The following CTC1 variants were observed in gnomAD, a reference collection of about 807,000 sequenced individuals.
The protein encoded by CTC1 is CST complex subunit CTC1.
In CTC1, 91 loss-of-function variants were observed where a neutral mutation model predicts 136.3. The ratio of observed to expected loss-of-function variants is 0.67; its 90% CI spans 0.56 to 0.79. CTC1 has a LOEUF of 0.79. Among genes scored for constraint, CTC1 ranks in the 30% least tolerant of loss-of-function variants. The probability of loss-of-function intolerance (pLI) is 0.00; values close to 1 mark genes in which losing one functional copy is unlikely to be tolerated. For synonymous variants in CTC1, 606 were observed against 613.8 expected, an observed-to-expected ratio of 0.99 and a Z score of 0.19; for missense variants, 1,432 against 1,498.1, an observed-to-expected ratio of 0.96 and a Z score of 0.73.
chr17:8,242,579 T>TAC (rs1567620628), intron 2 of CTC1, among the ~76,000 whole-genome samples: 44 of 127,946 alleles, frequency 3.4e-4, no homozygotes, highest in South Asian at 7.7e-4. Flanking sequence ...TATATATATA[T>TAC]ACACATATAT....
intron 2 of CTC1, among the ~76,000 whole-genome samples, chr17:8,239,366 C>T (rs73244865): frequency 0.02 from 2,983 of 152,206 alleles, 105 homozygotes; most frequent in African/African-American, 0.068. Flanking sequence ...CCCAGTCAAG[C>T]TCCTTTCTAG....
At chr17:8,246,697 T>C (rs1988742978) in intron 1 of CTC1, among the ~76,000 whole-genome samples, 1 of 151,836 alleles carries the variant, frequency 6.6e-6, no homozygotes, top group South Asian at 2.1e-4. Context: ...CCATCCTGGC[T>C]AACATGGTGA....
rs765353292 is a variant in CTC1 at position 8,232,043 on chromosome 17, G to C, written c.2245C>G (p.Pro749Ala). ...GGCACCTCTGGACTTGCTCCTGGGG[G>C]GACACAAAAATTACGCTTCATGAGG... ...EALMKRNFCV[P>A]PGASPEVPKP... Residue 749 changes from proline (P) to alanine (A), a missense_variant, in exon 13 of 23, where the codon CCC (proline) becomes GCC (alanine). Pro to Ala is a conservative substitution (Grantham distance 27). Coordinates refer to ENST00000651323, the MANE Select transcript of CTC1 (RefSeq NM_025099.6). The C allele has an allele frequency of 4.4e-6, 7 of 1,575,962 alleles. No homozygotes were observed. In the South Asian group the frequency reaches 5.9e-5, roughly 13 times the overall value.
Position 8,236,125 on chromosome 17 carries a change from G to A in CTC1, c.1010C>T (p.Pro337Leu). 6.2e-7 allele frequency: 1 copy of A among 1,614,186 alleles called. No individual in the cohort carries two copies. The highest frequency in any genetic ancestry group is 1.3e-5 in the African/African-American group (1 of 75,030). ...ATCCTTCTTGTCCTCCGAGTTGCTG[G>A]GCATGGGGAGTGGCTTGGGGTCAGC... ...LEADPKPLPM[P>L]SNSEDKKDPE... The change falls in exon 6 of 23, where the codon CCC becomes CTC. Residue 337 changes from proline (P) to leucine (L), a missense_variant. Physicochemically the swap from Pro to Leu is moderately conservative, Grantham distance 98 (BLOSUM62 -3). Coordinates refer to ENST00000651323, the MANE Select transcript of CTC1 (RefSeq NM_025099.6).
intron 2 of CTC1, among the ~76,000 whole-genome samples, chr17:8,241,704 G>A (rs906030652): frequency 6.6e-6 from 1 of 151,792 alleles, no homozygotes; most frequent in South Asian, 2.1e-4. Flanking sequence ...GAGCCTGAGG[G>A]TTCGAGACCA....
intron 14 of CTC1, 115 bp from the exon 15 acceptor site, chr17:8,231,584 AAC>A: frequency 8.1e-7 from 1 of 1,237,306 alleles, no homozygotes; most frequent in Non-Finnish European, 1.2e-6. Flanking sequence ...GAAGTGTGTC[AAC>A]ACACACAGGC....
In CTC1 at chr17:8,228,783, C is replaced by A; in HGVS notation, c.3331G>T (p.Val1111Phe). The change falls in exon 21 of 23, where the codon GTC becomes TTC. Residue 1111 changes from valine (V) to phenylalanine (F), a missense_variant. By Grantham distance (50) the Val-to-Phe change is conservative. Transcript: ENST00000651323. ...PREWASLLDF[V>F]QVPGRVVLQF... ...AAGACCACTCTGCCTGGCACTTGGA[C>A]GAAATCTAGGAGGGAGGCCCACTCT... 3 of 1,614,122 alleles carry A rather than the reference C, an allele frequency of 1.9e-6. No homozygotes were observed. Among genetic ancestry groups the A allele is most frequent in the Middle Eastern group, 1.7e-4 (1 of 6,058 alleles).
chr17:8,234,238 G>T (rs1233208956), intron 10 of CTC1, among the ~76,000 whole-genome samples: 1 of 152,342 alleles, frequency 6.6e-6, no homozygotes, highest in African/African-American at 2.4e-5. Context: ...GCCTCCCAAA[G>T]TGTTGGGATT....
At chr17:8,238,346 C>A in intron 3 of CTC1, 46 bp downstream of exon 3, 1 of 1,580,142 alleles carries the variant, frequency 6.3e-7, no homozygotes, top group Non-Finnish European at 8.7e-7. Flanking sequence ...CCTTGGACAC[C>A]ATTCTTGTCA....
intron 15 of CTC1, chr17:8,230,877 C>T: frequency 7.2e-6 from 4 of 554,870 alleles, no homozygotes; most frequent in South Asian, 4.4e-5. Flanking sequence ...GGCTCACGCC[C>T]CTAAATCCCA....
chr17:8,228,756 G>T lies in CTC1; in HGVS notation c.3358C>A (p.Gln1120Lys). The change falls in exon 21 of 23, where the codon CAG (glutamine) becomes AAG (lysine). Residue 1120 changes from glutamine to lysine, a missense_variant. Transcript: ENST00000651323. The stretch of plus-strand genomic sequence containing the variant: ...AGTTGGGCTCCAGGCCCTGCAAACT[G>T]CAAGACCACTCTGCCTGGCACTTGG... ...FVQVPGRVVL[Q>K]FAGPGAQLES... is the part of the protein sequence containing the mutation. 1 of 1,614,086 alleles carries T rather than the reference G, an allele frequency of 6.2e-7. No homozygotes were observed. The highest frequency in any genetic ancestry group is 1.1e-5 in the South Asian group (1 of 91,084).
intron 1 of CTC1, among the ~76,000 whole-genome samples, chr17:8,243,412 G>A (rs1168581391): frequency 1.3e-5 from 2 of 151,978 alleles, no homozygotes; most frequent in Non-Finnish European, 2.9e-5. Flanking sequence ...CCAGCTACTT[G>A]GGAGGCTGAG....
rs369209127 is a variant in CTC1, at chr17:8,228,519, C to T, written c.3498G>A (p.Ser1166=). 5.3e-5 allele frequency: 86 copies of T among 1,614,082 alleles called. No individual in the cohort carries two copies. The African/African-American group carries it at 8.8e-4, about 17-fold the overall frequency. ...CAACCTTACCTAATGGGACGATCTT[C>T]GACGGTTTCCTTTCCAGCTCAAAAG... The part of the protein sequence containing the change: ...VLSFELERKP[S]KIVPLEPPRL... Residue 1166 remains serine (S), a synonymous_variant, in exon 22 of 23, where the codon TCG becomes TCA. Coordinates refer to ENST00000651323, the MANE Select transcript of CTC1 (RefSeq NM_025099.6).
Position 8,232,160 on chromosome 17 carries a change from C to T in CTC1, c.2128G>A (p.Ala710Thr), listed in dbSNP as rs1567604032. 4.6e-6 allele frequency: 7 copies of T among 1,524,088 alleles called. No individual in the cohort carries two copies. The highest frequency in any genetic ancestry group is 4.2e-5 in the African/African-American group (3 of 71,730). The allele number at this position is 1,524,088 out of a possible 1,614,324, so 94.4% of individuals were successfully genotyped here. ...LPVPRPCLHS[A>T]TPSTPQTDPT... is the part of the protein sequence containing the mutation. ...TCTGTCTGAGGTGTTGAGGGTGTTG[C>T]TGAATGAAGGCAGGGTCTGGGCACA... is the stretch of plus-strand genomic sequence containing the variant. The change falls in exon 13 of 23, where the codon GCA becomes ACA. Residue 710 changes from alanine to threonine, a missense_variant. Ala to Thr is a moderately conservative substitution (Grantham distance 58). Transcript: ENST00000651323.
At position 8,228,337 on chromosome 17, in the gene CTC1, G is replaced by A. The variant is rs551410821; in HGVS notation, c.3515-18C>T. The A allele has an allele frequency of 1.9e-6, 3 of 1,612,574 alleles. No individual in the cohort carries two copies. The highest frequency in any genetic ancestry group is 1.3e-5 in the African/African-American group (1 of 74,962). On this transcript the variant is annotated intron_variant, in intron 22 of 22. Coordinates refer to ENST00000651323, the MANE Select transcript of CTC1 (RefSeq NM_025099.6). The stretch of plus-strand genomic sequence containing the variant: ...AGGAGGTTCTGAGGTGGGAAGAGAG[G>A]AAAAACACACGTCTCAGGCATGTGG...
At position 8,226,259 on chromosome 17, in the gene CTC1, G is replaced by C. The variant is rs1233088413; in HGVS notation, c.*1921C>G. ...AAGGCACCGCTGGGATTCGAACCCA[G>C]GATCTCCTGTTTACTAGACAGGCGC... On this transcript the variant is annotated 3_prime_UTR_variant, in exon 23 of 23. Transcript: ENST00000651323. 6.6e-6 allele frequency: 1 copy of C among 152,280 alleles called. No individual in the cohort carries two copies. Among genetic ancestry groups the C allele is most frequent in the African/African-American group, 2.4e-5 (1 of 41,432 alleles). The allele number at this position is 152,280 out of a possible 1,614,324, so 9.4% of individuals were successfully genotyped here.
rs540251913 is a variant in CTC1 at position 8,241,771 on chromosome 17, T to C, written c.197+1214A>G. 2.7e-4 allele frequency among the ~76,000 whole-genome samples: 39 copies of C among 146,806 alleles called. 1 individual carries two copies. Among genetic ancestry groups the C allele is most frequent in the African/African-American group, 9.6e-4 (38 of 39,638 alleles). On this transcript the variant is annotated intron_variant, in intron 2 of 22. Coordinates refer to ENST00000651323, the MANE Select transcript of CTC1 (RefSeq NM_025099.6). ...GGGAGGCTGAGGCAGGAGAATTGCT[T>C]GAGCCCAGGAGGTAAAGGCTGTGAG... is the stretch of plus-strand genomic sequence containing the variant.
At chr17:8,229,274 A>G in intron 19 of CTC1, 28 bp downstream of exon 19, 1 of 1,614,110 alleles carries the variant, frequency 6.2e-7, no homozygotes, top group Non-Finnish European at 8.5e-7. Context: ...CTCCATACTC[A>G]GTTCAGCCTG....
chr17:8,243,519 CAA>C (rs796589471), intron 1 of CTC1, among the ~76,000 whole-genome samples: 11 of 89,070 alleles, frequency 1.2e-4, no homozygotes, highest in East Asian at 3.3e-4. Flanking sequence ...AACTCCGTCT[CAA>C]AAAAAAAAAA....
Sources: allele counts gnomAD v4.1 joint callset (sites outside exome capture counted in the v4.1 genomes callset), GRCh38; gene constraint gnomAD v4.1.1; transcripts MANE v1.5; gene names NCBI Gene and HGNC (gene_info 2026-07-23, HGNC 2026-07-21).